SKAP1: variants seen among roughly 807,000 people sequenced by gnomAD.
SKAP1 encodes the protein src kinase-associated phosphoprotein 1.
SKAP1 carries 44 observed loss-of-function variants against 58.5 expected under a neutral mutation model. The ratio of observed to expected loss-of-function variants is 0.75; its 90% CI spans 0.59 to 0.97. The LOEUF (loss-of-function observed/expected upper bound fraction) is 0.97. SKAP1 is among the 50% of genes least tolerant of loss of function. The probability of loss-of-function intolerance (pLI) is 0.00; values close to 1 mark genes in which losing one functional copy is unlikely to be tolerated. For synonymous variants in SKAP1, 127 were observed against 149.7 expected (o/e 0.85, Z 1.11); for missense variants, 390 against 435.2 (o/e 0.90, Z 0.92).
At chr17:48,171,557 C>G (rs2064216830) in intron 9 of SKAP1, among the ~76,000 whole-genome samples, 1 of 152,154 alleles carries the variant, frequency 6.6e-6, no homozygotes, top group Non-Finnish European at 1.5e-5. Flanking sequence ...ACAAGACTGT[C>G]AGAGTTCCTG....
At chr17:48,232,174 C>T (rs1006693435) in intron 4 of SKAP1, among the ~76,000 whole-genome samples, 3 of 152,326 alleles carry the variant, frequency 2.0e-5, no homozygotes. Context: ...AATGCAAGTT[C>T]CTGGGCGTGC....
At chr17:48,390,411 T>G (rs995424288) in intron 2 of SKAP1, among the ~76,000 whole-genome samples, 5 of 152,236 alleles carry the variant, frequency 3.3e-5, no homozygotes, top group African/African-American at 9.6e-5. Context: ...ACAGATGATC[T>G]TTTCACACAA....
chr17:48,359,728 T>A (rs903520120), intron 3 of SKAP1, among the ~76,000 whole-genome samples: 1 of 152,120 alleles, frequency 6.6e-6, no homozygotes, highest in African/African-American at 2.4e-5. Flanking sequence ...CACCTCAGCC[T>A]CCCAAGCAGC....
chr17:48,165,444 A>G (rs2064127095), intron 10 of SKAP1, among the ~76,000 whole-genome samples: 2 of 143,094 alleles, frequency 1.4e-5, no homozygotes, highest in Non-Finnish European at 3.0e-5. Context: ...CCTTTTGCCC[A>G]GGGTGGAGTG....
At chr17:48,391,977 C>T (rs1321521417) in intron 2 of SKAP1, among the ~76,000 whole-genome samples, 1 of 151,890 alleles carries the variant, frequency 6.6e-6, no homozygotes, top group African/African-American at 2.4e-5. Flanking sequence ...GATTTTTAAG[C>T]TCAATAATTA....
chr17:48,397,270 G>A (rs1447594000), intron 1 of SKAP1, among the ~76,000 whole-genome samples: 2 of 152,166 alleles, frequency 1.3e-5, no homozygotes, highest in Non-Finnish European at 2.9e-5. Flanking sequence ...CTGTTGCCCA[G>A]GTTGGAGTGC....
At chr17:48,364,652 G>A (rs1471727584) in intron 2 of SKAP1, among the ~76,000 whole-genome samples, 1 of 152,142 alleles carries the variant, frequency 6.6e-6, no homozygotes, top group Non-Finnish European at 1.5e-5. Context: ...TCCAGCCTGG[G>A]TGACAGAGCG....
intron 10 of SKAP1, among the ~76,000 whole-genome samples, chr17:48,165,229 G>C (rs1418045859): frequency 6.6e-6 from 1 of 152,150 alleles, no homozygotes; most frequent in Non-Finnish European, 1.5e-5. Flanking sequence ...GAGGGGAAGA[G>C]ATAAGTTGGA....
intron 4 of SKAP1, among the ~76,000 whole-genome samples, chr17:48,236,932 G>A (rs1472948555): frequency 6.6e-6 from 1 of 152,166 alleles, no homozygotes; most frequent in African/African-American, 2.4e-5. Flanking sequence ...CAATTCTTAT[G>A]CATTGTATCA....
At chr17:48,163,153 G>T (rs1398547996) in intron 10 of SKAP1, among the ~76,000 whole-genome samples, 1 of 152,108 alleles carries the variant, frequency 6.6e-6, no homozygotes, top group Non-Finnish European at 1.5e-5. Context: ...TGGAACCAAG[G>T]GGGTGTCTCA....
chr17:48,268,589 T>C (rs771943208), intron 4 of SKAP1, among the ~76,000 whole-genome samples: 40 of 152,266 alleles, frequency 2.6e-4, no homozygotes, highest in Non-Finnish European at 4.9e-4. Flanking sequence ...CCTCCTGGGT[T>C]CAAGTGATTC....
At chr17:48,161,927 C>T (rs1374002679) in intron 11 of SKAP1, among the ~76,000 whole-genome samples, 1 of 151,868 alleles carries the variant, frequency 6.6e-6, no homozygotes, top group African/African-American at 2.4e-5. Context: ...GGTATAATAC[C>T]AATTTTATTG....
intron 10 of SKAP1, among the ~76,000 whole-genome samples, chr17:48,169,551 C>T (rs1053023733): frequency 6.6e-6 from 1 of 152,230 alleles, no homozygotes; most frequent in African/African-American, 2.4e-5. Context: ...CACCCGCCTC[C>T]ACTGCTTTCT....
intron 4 of SKAP1, among the ~76,000 whole-genome samples, chr17:48,281,990 G>A (rs2065771795): frequency 1.3e-5 from 2 of 152,060 alleles, no homozygotes; most frequent in Non-Finnish European, 1.5e-5. Flanking sequence ...ATATTCTACA[G>A]TTAAAAAAAT....
At chr17:48,138,074 G>A (rs1053718530) in intron 11 of SKAP1, among the ~76,000 whole-genome samples, 2 of 152,186 alleles carry the variant, frequency 1.3e-5, no homozygotes, top group African/African-American at 4.8e-5. Context: ...TAGTCACAGA[G>A]AGGAACAAAC....
chr17:48,312,701 G>A (rs1048309232), intron 4 of SKAP1, among the ~76,000 whole-genome samples: 2 of 152,176 alleles, frequency 1.3e-5, no homozygotes, highest in Admixed American at 1.3e-4. Flanking sequence ...TCAAGTTTAA[G>A]GGGAAACTGA....
intron 2 of SKAP1, among the ~76,000 whole-genome samples, chr17:48,374,193 C>T (rs925159687): frequency 7.0e-6 from 1 of 142,554 alleles, no homozygotes; most frequent in Non-Finnish European, 1.5e-5. Flanking sequence ...CTCCACCATG[C>T]CTGGCTAATT....
chr17:48,332,812 T>A (rs1462417147), intron 4 of SKAP1, among the ~76,000 whole-genome samples: 1 of 152,176 alleles, frequency 6.6e-6, no homozygotes, highest in Non-Finnish European at 1.5e-5. Context: ...TTTAGCAGAG[T>A]GTGCAAAAAA....
At chr17:48,163,927 CA>C (rs1312083135) in intron 10 of SKAP1, among the ~76,000 whole-genome samples, 1 of 152,082 alleles carries the variant, frequency 6.6e-6, no homozygotes, top group Non-Finnish European at 1.5e-5. Context: ...ATATTGCAAA[CA>C]AAAGTAAAAA....
Sources: allele counts gnomAD v4.1 joint callset (sites outside exome capture counted in the v4.1 genomes callset), GRCh38; gene constraint gnomAD v4.1.1; transcripts MANE v1.5; gene names NCBI Gene and HGNC (gene_info 2026-07-23, HGNC 2026-07-21).